MAF: variants seen among roughly 807,000 people sequenced by gnomAD.
The protein encoded by MAF is MAF bZIP transcription factor, also known as transcription factor Maf.
MAF carries 10 observed loss-of-function variants against 22.0 expected under a neutral mutation model. The ratio of observed to expected loss-of-function variants is 0.45; its 90% CI spans 0.28 to 0.77. The LOEUF (loss-of-function observed/expected upper bound fraction) is 0.77. MAF is among the 30% of genes least tolerant of loss of function. The pLI, the probability that MAF is intolerant of heterozygous loss-of-function variation, is 0.12. For synonymous variants in MAF, 337 were observed against 255.8 expected, an observed-to-expected ratio of 1.32 and a Z score of -3.03; for missense variants, 544 against 548.4, an observed-to-expected ratio of 0.99 and a Z score of 0.08.
At chr16:79,560,664 G>C in the MAF span, among the ~76,000 whole-genome samples, 1 of 152,016 alleles carries the variant, frequency 6.6e-6, no homozygotes, top group Admixed American at 6.6e-5. Context: ...ATCCTCCTGA[G>C]GAATTTTTAT....
At chr16:79,431,016 G>A in the MAF span, among the ~76,000 whole-genome samples, 1 of 152,162 alleles carries the variant, frequency 6.6e-6, no homozygotes, top group Admixed American at 6.5e-5. Flanking sequence ...TGAAATCCAT[G>A]TAGGTGAATA....
chr16:79,563,091 A>G, the MAF span, among the ~76,000 whole-genome samples: 1 of 150,756 alleles, frequency 6.6e-6, no homozygotes, highest in Non-Finnish European at 1.5e-5. Flanking sequence ...GGAAACAGAC[A>G]GCAGAACTTA....
chr16:79,281,283 C>G, the MAF span, among the ~76,000 whole-genome samples: 1 of 149,622 alleles, frequency 6.7e-6, no homozygotes, highest in Non-Finnish European at 1.5e-5. Context: ...AATGCTCCAG[C>G]TAATCCCAAA....
chr16:79,273,319 T>C, the MAF span, among the ~76,000 whole-genome samples: 2 of 152,278 alleles, frequency 1.3e-5, no homozygotes, highest in East Asian at 1.9e-4. Context: ...GTTCCATGAC[T>C]CGAAAAAGGC....
chr16:79,505,497 G>C, the MAF span: 1 of 152,242 alleles, frequency 6.6e-6, no homozygotes, highest in Non-Finnish European at 1.5e-5. Context: ...TAGGGGAAGA[G>C]TCCTCTGATC....
the MAF span, among the ~76,000 whole-genome samples, chr16:79,329,345 T>A: frequency 2.6e-5 from 4 of 151,764 alleles, no homozygotes; most frequent in African/African-American, 9.7e-5. Flanking sequence ...GAAGTGAGAG[T>A]TTGCATCAGT....
the MAF span, among the ~76,000 whole-genome samples, chr16:79,535,344 C>A: frequency 6.6e-6 from 1 of 151,316 alleles, no homozygotes; most frequent in Admixed American, 6.6e-5. Context: ...GGGGAAGAGA[C>A]CTTAGGCAAT....
intron 1 of MAF, chr16:79,595,518 G>A: frequency 9.4e-7 from 1 of 1,059,984 alleles, no homozygotes; most frequent in Non-Finnish European, 1.1e-6. Flanking sequence ...GTGTGCTAGG[G>A]GAAGATGACT....
the MAF span, among the ~76,000 whole-genome samples, chr16:79,453,373 A>G: frequency 6.6e-6 from 1 of 152,170 alleles, no homozygotes; most frequent in African/African-American, 2.4e-5. Flanking sequence ...CAATTTTTAA[A>G]TTTATCAACC....
the MAF span, among the ~76,000 whole-genome samples, chr16:79,315,709 T>C: frequency 6.6e-6 from 1 of 152,176 alleles, no homozygotes; most frequent in East Asian, 1.9e-4. Context: ...ATTTTACTCA[T>C]ATAGATGAAG....
At chr16:79,573,322 C>T in the MAF span, among the ~76,000 whole-genome samples, 1 of 152,216 alleles carries the variant, frequency 6.6e-6, no homozygotes, top group Non-Finnish European at 1.5e-5. Flanking sequence ...TTGGGTTTTA[C>T]ATCAGGCTAA....
the MAF span, among the ~76,000 whole-genome samples, chr16:79,428,709 A>G: frequency 1.3e-5 from 2 of 151,938 alleles, no homozygotes; most frequent in African/African-American, 2.4e-5. Context: ...TTATCCAGGC[A>G]TGGTTTGTGC....
the MAF span, among the ~76,000 whole-genome samples, chr16:79,332,126 A>C: frequency 6.6e-6 from 1 of 152,156 alleles, no homozygotes; most frequent in Non-Finnish European, 1.5e-5. Context: ...TTGTCAGACA[A>C]GAATAAAAAT....
the MAF span, among the ~76,000 whole-genome samples, chr16:79,411,076 T>C: frequency 6.6e-6 from 1 of 152,224 alleles, no homozygotes; most frequent in Non-Finnish European, 1.5e-5. Flanking sequence ...AGACTTCCTT[T>C]GATCTTGCCT....
At chr16:79,209,139 A>AAGTT in the MAF span, among the ~76,000 whole-genome samples, 4 of 152,212 alleles carry the variant, frequency 2.6e-5, no homozygotes, top group African/African-American at 4.8e-5. Flanking sequence ...TCCTGATAAA[A>AAGTT]AGTTAGGCTT....
the MAF span, among the ~76,000 whole-genome samples, chr16:79,422,730 T>A: frequency 1.3e-5 from 2 of 152,190 alleles, no homozygotes; most frequent in Non-Finnish European, 2.9e-5. Context: ...ACAATATTTA[T>A]TGAAGACCTA....
the MAF span, among the ~76,000 whole-genome samples, chr16:79,323,020 A>G: frequency 1.3e-5 from 2 of 151,416 alleles, no homozygotes; most frequent in Non-Finnish European, 1.5e-5. Context: ...CTTGGTGGCA[A>G]GCGCCTGTAG....
At chr16:79,564,401 C>A in the MAF span, among the ~76,000 whole-genome samples, 1 of 152,158 alleles carries the variant, frequency 6.6e-6, no homozygotes, top group Admixed American at 6.5e-5. Context: ...CGAATAAGGT[C>A]AACAGTGTCA....
At chr16:79,504,670 T>TGATG in the MAF span, among the ~76,000 whole-genome samples, 2 of 151,952 alleles carry the variant, frequency 1.3e-5, no homozygotes, top group South Asian at 2.1e-4. Context: ...AATGTATGTT[T>TGATG]GATGGATGGA....
Sources: gnomAD v4.1 joint callset for allele counts (sites outside exome capture counted in the v4.1 genomes callset) on GRCh38, gnomAD v4.1.1 for gene constraint, MANE v1.5 for transcripts, NCBI Gene and HGNC (gene_info 2026-07-23, HGNC 2026-07-21) for gene names.